Variants in PPARGC1B observed in about 807,000 individuals in gnomAD.
PPARGC1B encodes peroxisome proliferator-activated receptor gamma coactivator 1-beta.
Under a neutral mutation model 101.6 loss-of-function variants are expected in PPARGC1B, and 34 were observed. That is an observed-to-expected ratio of 0.33 (90% CI 0.25 to 0.45). The LOEUF is 0.45. Ranked by LOEUF, PPARGC1B falls within the 20% of genes least tolerant of loss-of-function variation. The probability of loss-of-function intolerance (pLI) is 1.00; values close to 1 mark genes in which losing one functional copy is unlikely to be tolerated. For synonymous variants in PPARGC1B, 548 were observed against 539.3 expected (o/e 1.02, Z -0.22); for missense variants, 1,234 against 1,317.6 (o/e 0.94, Z 0.98).
At chr5:149,811,839 C>A (rs1291838404) in intron 1 of PPARGC1B, among the ~76,000 whole-genome samples, 1 of 152,218 alleles carries the variant, frequency 6.6e-6, no homozygotes, top group Non-Finnish European at 1.5e-5. Context: ...CTGGCTTTCT[C>A]CATCCTGTTG....
chr5:149,813,121 A>G (rs1175387647), intron 1 of PPARGC1B, among the ~76,000 whole-genome samples: 1 of 152,186 alleles, frequency 6.6e-6, no homozygotes, highest in Non-Finnish European at 1.5e-5. Flanking sequence ...GGGGCTTAGC[A>G]GGGTGTCGGG....
intron 1 of PPARGC1B, among the ~76,000 whole-genome samples, chr5:149,750,453 A>ATATATATATATAT (rs1755246049): frequency 8.1e-6 from 1 of 123,240 alleles, no homozygotes; most frequent in African/African-American, 3.1e-5. Flanking sequence ...TTTTAGTTAA[A>ATATATATATATAT]ATATATATAT....
intron 2 of PPARGC1B, among the ~76,000 whole-genome samples, chr5:149,820,878 G>A (rs531518611): frequency 6.6e-6 from 1 of 152,230 alleles, no homozygotes; most frequent in Non-Finnish European, 1.5e-5. Flanking sequence ...AAGCCCCTTC[G>A]TGTGCCACAG....
rs140742124 is a variant in PPARGC1B, at chr5:149,766,657, C to A, written c.78+36237C>A. Among the ~76,000 whole-genome samples, 24 of 152,346 alleles carry A rather than the reference C, an allele frequency of 1.6e-4. No individual in the cohort carries two copies. The East Asian group carries it at 4.4e-3, about 28-fold the overall frequency. ...TCACGGGCTGCATTCTTGATTTCTG[C>A]CATAGGGCCTGGGATTATACTCTGC... On this transcript the variant is annotated intron_variant, in intron 1 of 11. Transcript: ENST00000309241.
intron 1 of PPARGC1B, among the ~76,000 whole-genome samples, chr5:149,740,952 C>T (rs992905900): frequency 1.3e-5 from 2 of 152,190 alleles, no homozygotes; most frequent in Non-Finnish European, 2.9e-5. Flanking sequence ...ATGCCCTTAC[C>T]TTGAAGGAAG....
intron 1 of PPARGC1B, among the ~76,000 whole-genome samples, chr5:149,748,799 C>G (rs532350436): frequency 6.6e-6 from 1 of 152,156 alleles, no homozygotes; most frequent in Non-Finnish European, 1.5e-5. Flanking sequence ...GAGGAACAGA[C>G]AGCATGAACG....
At chr5:149,747,280 TGTAAG>T (rs1169150850) in intron 1 of PPARGC1B, among the ~76,000 whole-genome samples, 1 of 152,250 alleles carries the variant, frequency 6.6e-6, no homozygotes, top group African/African-American at 2.4e-5. Context: ...TTATATATGG[TGTAAG>T]GTAAGAGTCC....
At chr5:149,743,995 C>G (rs1754998431) in intron 1 of PPARGC1B, among the ~76,000 whole-genome samples, 1 of 152,162 alleles carries the variant, frequency 6.6e-6, no homozygotes, top group Non-Finnish European at 1.5e-5. Flanking sequence ...TTGAAACCAG[C>G]ACTTTACACT....
In PPARGC1B at chr5:149,828,794, C is replaced by A. The variant is rs905966069; in HGVS notation, c.465+1909C>A. The stretch of plus-strand genomic sequence containing the variant: ...GGGCACAGTGGCTTATACCTGTAAT[C>A]CCAACACTTTGGGAGGCTGAGTGGG... On this transcript the variant is annotated intron_variant, in intron 3 of 11. Transcript: ENST00000309241. Among the ~76,000 whole-genome samples the A allele has an allele frequency of 2.0e-5, 3 of 152,182 alleles. No homozygotes were observed. The South Asian group carries it at 6.2e-4, about 32-fold the overall frequency.
At chr5:149,806,988 G>C (rs540401209) in intron 1 of PPARGC1B, among the ~76,000 whole-genome samples, 1 of 150,702 alleles carries the variant, frequency 6.6e-6, no homozygotes, top group African/African-American at 2.4e-5. Context: ...ACAGGGTCTT[G>C]CTCTGTCATC....
chr5:149,835,654 G>A (rs534413802), intron 7 of PPARGC1B, among the ~76,000 whole-genome samples: 14 of 152,322 alleles, frequency 9.2e-5, no homozygotes, highest in Middle Eastern at 3.4e-3. Flanking sequence ...CCCCCTCTCC[G>A]TCATGGGAAA....
chr5:149,792,776 G>T (rs1304608213), intron 1 of PPARGC1B, among the ~76,000 whole-genome samples: 2 of 152,162 alleles, frequency 1.3e-5, no homozygotes, highest in Non-Finnish European at 2.9e-5. Context: ...CATTCAGTCA[G>T]TCTGCATGCT....
rs764914072 is a variant in PPARGC1B, at chr5:149,833,548, T to G, written c.1475T>G (p.Phe492Cys). The change falls in exon 5 of 12, where the codon TTT (phenylalanine) becomes TGT (cysteine). Residue 492 changes from phenylalanine (F) to cysteine (C), a missense_variant. Coordinates refer to ENST00000309241, the MANE Select transcript of PPARGC1B (RefSeq NM_133263.4). The surrounding 1 kb of genome is among the most constrained non-coding windows in gnomAD (Gnocchi z 4.1). The stretch of plus-strand genomic sequence containing the variant: ...CCTGAGCTGGGCCCCTGGCTGACAT[T>G]TGCAGATGAGCCGCTGGTCCCCTCG... Reference protein sequence around the residue: ...LNPELGPWLTFADEPLVPSEP... With the variant: ...LNPELGPWLTCADEPLVPSEP... 6.3e-7 allele frequency: 1 copy of G among 1,582,578 alleles called. No individual in the cohort carries two copies. Among genetic ancestry groups the G allele is most frequent in the East Asian group, 2.3e-5 (1 of 42,820 alleles).
intron 1 of PPARGC1B, among the ~76,000 whole-genome samples, chr5:149,786,929 G>A (rs1259634987): frequency 6.6e-6 from 1 of 152,094 alleles, no homozygotes; most frequent in Non-Finnish European, 1.5e-5. Flanking sequence ...TGACTCTTAG[G>A]GCTGTTTTGG....
intron 1 of PPARGC1B, among the ~76,000 whole-genome samples, chr5:149,786,039 C>T (rs991186922): frequency 6.6e-6 from 1 of 152,094 alleles, no homozygotes; most frequent in African/African-American, 2.4e-5. Flanking sequence ...CTGCCTCTGC[C>T]CCCATCCCCA....
intron 1 of PPARGC1B, among the ~76,000 whole-genome samples, chr5:149,803,135 G>C (rs551484636): frequency 1.1e-4 from 16 of 152,316 alleles, no homozygotes; most frequent in Non-Finnish European, 1.9e-4. Flanking sequence ...AGGTTGACCA[G>C]TGCTGGAATA....
At chr5:149,835,437 C>A in intron 7 of PPARGC1B, 72 bp downstream of exon 7, 1 of 1,375,490 alleles carries the variant, frequency 7.3e-7, no homozygotes, top group Non-Finnish European at 1.0e-6. Flanking sequence ...TTTCATCATG[C>A]ATGGGCAAGG....
At chr5:149,748,305 A>G (rs895919824) in intron 1 of PPARGC1B, among the ~76,000 whole-genome samples, 4 of 136,308 alleles carry the variant, frequency 2.9e-5, no homozygotes, top group Middle Eastern at 3.6e-3. Flanking sequence ...ATATAGATAT[A>G]GATATAGATA....
Position 149,730,529 on chromosome 5 carries a change from G to A in PPARGC1B, c.78+109G>A. 1.2e-6 allele frequency: 1 copy of A among 854,612 alleles called. No homozygotes were observed. Among genetic ancestry groups the A allele is most frequent in the Non-Finnish European group, 1.7e-6 (1 of 578,866 alleles). 52.9% of individuals were successfully genotyped at this position (854,612 alleles called of 1,614,324 possible). A position where few individuals can be genotyped will look rare whatever the true frequency, so the allele number is the denominator to read the frequency against. Reference sequence around the variant, plus strand: ...AGCGGTGGGAGCCCTGGGGTAACTGGGGGTTCCAGGCTGCAGAGCCCCCCT... The same window carrying A: ...AGCGGTGGGAGCCCTGGGGTAACTGAGGGTTCCAGGCTGCAGAGCCCCCCT... On this transcript the variant is annotated intron_variant, in intron 1 of 11. Coordinates refer to ENST00000309241, the MANE Select transcript of PPARGC1B (RefSeq NM_133263.4). This position sits in a 1 kb window ranked among gnomAD's most constrained non-coding sequence, Gnocchi z 4.0.
Sources: allele counts gnomAD v4.1 joint callset (sites outside exome capture counted in the v4.1 genomes callset), GRCh38; gene constraint gnomAD v4.1.1; non-coding constraint Gnocchi (gnomAD v3.1); transcripts MANE v1.5; gene names NCBI Gene and HGNC (gene_info 2026-07-23, HGNC 2026-07-21).